Variants in RINT1 observed in about 807,000 individuals in gnomAD.
RINT1 encodes the protein RAD50-interacting protein 1.
Under a neutral mutation model 97.7 loss-of-function variants are expected in RINT1, and 75 were observed. The observed-to-expected ratio is 0.77, with a 90% confidence interval of 0.64 to 0.93. The LOEUF is 0.93. RINT1 is among the 40% of genes least tolerant of loss of function. The probability of loss-of-function intolerance (pLI) is 0.00; values close to 1 mark genes in which losing one functional copy is unlikely to be tolerated. For missense variants in RINT1, 892 were observed against 925.2 expected, an observed-to-expected ratio of 0.96 and a Z score of 0.47; for synonymous variants, 303 against 326.3, an observed-to-expected ratio of 0.93 and a Z score of 0.77.
chr7:105,559,002 A>G (rs897678330), intron 11 of RINT1, among the ~76,000 whole-genome samples: 7 of 152,128 alleles, frequency 4.6e-5, no homozygotes, highest in Non-Finnish European at 1.0e-4. Context: ...AAAACGTATA[A>G]TCTCATGCTG....
At chr7:105,539,990 A>G (rs1456883798) in intron 3 of RINT1, among the ~76,000 whole-genome samples, 1 of 152,144 alleles carries the variant, frequency 6.6e-6, no homozygotes. Context: ...AAATTATTCT[A>G]TAATGTTCTT....
At chr7:105,537,659 G>T (rs1484710563) in intron 3 of RINT1, among the ~76,000 whole-genome samples, 1 of 151,358 alleles carries the variant, frequency 6.6e-6, no homozygotes, top group Admixed American at 6.6e-5. Context: ...GTGAAATCCC[G>T]ACTCTACTAA....
At chr7:105,548,841 G>A (rs1790799561) in intron 7 of RINT1, 131 bp downstream of exon 7, 1 of 777,134 alleles carries the variant, frequency 1.3e-6, no homozygotes, top group Non-Finnish European at 2.0e-6. Context: ...CTACATTCCT[G>A]TTTTGTTACT....
intron 10 of RINT1, among the ~76,000 whole-genome samples, chr7:105,551,922 G>A (rs890205760): frequency 3.3e-5 from 5 of 152,062 alleles, no homozygotes; most frequent in Admixed American, 1.3e-4. Flanking sequence ...ACAGAAATTA[G>A]CCAGTTGTGG....
intron 2 of RINT1, among the ~76,000 whole-genome samples, chr7:105,534,621 A>C (rs73192125): frequency 0.2 from 29,861 of 151,060 alleles, 3,185 homozygotes; most frequent in South Asian, 0.26. Context: ...TAACCTTGAG[A>C]TATAGGCTGG....
chr7:105,546,331 T>C (rs1041170716), intron 4 of RINT1, among the ~76,000 whole-genome samples: 3 of 150,794 alleles, frequency 2.0e-5, no homozygotes, highest in African/African-American at 7.3e-5. Context: ...TCAGGAGGAG[T>C]AGGAAGGGAA....
intron 11 of RINT1, among the ~76,000 whole-genome samples, chr7:105,561,073 C>T (rs999435586): frequency 2.7e-5 from 4 of 147,948 alleles, no homozygotes; most frequent in African/African-American, 5.0e-5. Flanking sequence ...GATGTGTTCA[C>T]GGCCTAATGC....
At chr7:105,549,604 C>T (rs1404485116) in intron 7 of RINT1, among the ~76,000 whole-genome samples, 2 of 152,078 alleles carry the variant, frequency 1.3e-5, no homozygotes, top group Admixed American at 1.3e-4. Context: ...CCACCTCGGC[C>T]TCCCAAAGTG....
At chr7:105,538,823 G>A (rs562921438) in intron 3 of RINT1, among the ~76,000 whole-genome samples, 90 of 152,330 alleles carry the variant, frequency 5.9e-4, no homozygotes, top group Middle Eastern at 6.8e-3. Context: ...CAAAGGATCA[G>A]TCGAAGGCAG....
At chr7:105,540,618 G>A (rs748535272) in intron 3 of RINT1, among the ~76,000 whole-genome samples, 4 of 151,974 alleles carry the variant, frequency 2.6e-5, no homozygotes, top group African/African-American at 9.7e-5. Context: ...GGCTGGTCTC[G>A]AACTCCTGAC....
intron 11 of RINT1, among the ~76,000 whole-genome samples, chr7:105,561,349 G>T (rs1791427765): frequency 6.6e-6 from 1 of 151,836 alleles, no homozygotes; most frequent in East Asian, 2.0e-4. Context: ...CCAACATGGT[G>T]ATACCCCATC....
At chr7:105,556,617 C>G (rs1791193301) in intron 11 of RINT1, among the ~76,000 whole-genome samples, 1 of 152,008 alleles carries the variant, frequency 6.6e-6, no homozygotes. Context: ...AACCTTGGGT[C>G]CAGTTAACAA....
At chr7:105,565,898 A>G (rs1016255166) in intron 14 of RINT1, among the ~76,000 whole-genome samples, 4 of 152,020 alleles carry the variant, frequency 2.6e-5, no homozygotes, top group Non-Finnish European at 5.9e-5. Context: ...ATTTGGTTTA[A>G]TGCTTCTAGT....
chr7:105,554,967 C>T, intron 10 of RINT1, 61 bp from the exon 11 acceptor site: 5 of 1,365,794 alleles, frequency 3.7e-6, no homozygotes, highest in Non-Finnish European at 5.1e-6. Flanking sequence ...GTAGGGAAAA[C>T]TTATAACTAT....
intron 4 of RINT1, among the ~76,000 whole-genome samples, chr7:105,543,913 A>AC (rs1424589852): frequency 1.3e-5 from 2 of 150,486 alleles, no homozygotes; most frequent in East Asian, 3.9e-4. Flanking sequence ...ACATGGTGAA[A>AC]CCCCGTCTCT....
rs376786488 is a variant in RINT1, at chr7:105,532,367, C to T, written c.42+10C>T. ...CTCTCCTGCAGCCCCGGTGAGACGG[C>T]CCTGGCGTCCCTGGGAGGGGACATT... On this transcript the variant is annotated intron_variant, in intron 1 of 14. Coordinates refer to ENST00000257700, the MANE Select transcript of RINT1 (RefSeq NM_021930.6). 3.4e-5 allele frequency: 55 copies of T among 1,599,282 alleles called. 1 individual carries two copies. In the African/African-American group the frequency reaches 7.1e-4, roughly 21 times the overall value.
intron 3 of RINT1, among the ~76,000 whole-genome samples, chr7:105,540,899 G>T (rs911365715): frequency 1.4e-5 from 2 of 145,952 alleles, no homozygotes; most frequent in African/African-American, 5.1e-5. Flanking sequence ...TGGCAGTGGC[G>T]CAGTCTCGGC....
chr7:105,535,584 G>A (rs902594146), intron 2 of RINT1: 6 of 454,434 alleles, frequency 1.3e-5, no homozygotes, highest in African/African-American at 1.2e-4. Flanking sequence ...ATGAGGTCTT[G>A]CTCTGCTGTC....
rs745405558 is a variant in RINT1 at position 105,565,578 on chromosome 7, T to G, written c.2116T>G (p.Phe706Val). Reference sequence around the variant, plus strand: ...TGAAGGAGGAGCAGCCCAGCTGCAGTTTGATATGACTCGGAATCTTTTCCC... The same window carrying G: ...TGAAGGAGGAGCAGCCCAGCTGCAGGTTGATATGACTCGGAATCTTTTCCC... ...FNEGGAAQLQ[F>V]DMTRNLFPLF... Residue 706 changes from phenylalanine to valine, a missense_variant, in exon 14 of 15, where the codon TTT (phenylalanine) becomes GTT (valine). Coordinates refer to ENST00000257700, the MANE Select transcript of RINT1 (RefSeq NM_021930.6). 6 of 1,613,948 alleles carry G rather than the reference T, an allele frequency of 3.7e-6. No homozygotes were observed.
Sources: gnomAD v4.1 joint callset for allele counts (sites outside exome capture counted in the v4.1 genomes callset) on GRCh38, gnomAD v4.1.1 for gene constraint, MANE v1.5 for transcripts, NCBI Gene and HGNC (gene_info 2026-07-23, HGNC 2026-07-21) for gene names.